The following KARS1 variants were observed in gnomAD, a reference collection of about 807,000 sequenced individuals.
KARS1 encodes lysine--tRNA ligase.
In KARS1, 50 loss-of-function variants were observed where a neutral mutation model predicts 63.9. The observed-to-expected ratio is 0.78, with a 90% confidence interval of 0.62 to 0.99. The LOEUF is 0.99. Among genes scored for constraint, KARS1 ranks in the 50% least tolerant of loss-of-function variants. The pLI is 0.00. For missense variants in KARS1, 816 were observed against 754.5 expected (o/e 1.08, Z -0.95); for synonymous variants, 320 against 264.6 (o/e 1.21, Z -2.03).
chr16:75,634,021 G>A, intron 7 of KARS1, 152 bp downstream of exon 7: 1 of 813,754 alleles, frequency 1.2e-6, no homozygotes, highest in South Asian at 1.3e-5. Context: ...AATTCTGGAA[G>A]TGTTACTCAC....
intron 7 of KARS1, among the ~76,000 whole-genome samples, chr16:75,633,618 A>T (rs1368650774): frequency 6.6e-6 from 1 of 151,690 alleles, no homozygotes; most frequent in Non-Finnish European, 1.5e-5. Flanking sequence ...CCCGGGTTCA[A>T]GCAATCCTCC....
chr16:75,635,442 T>C, intron 6 of KARS1: 1 of 507,988 alleles, frequency 2.0e-6, no homozygotes, highest in Admixed American at 3.2e-5. Flanking sequence ...TGAATACATA[T>C]TGAATGTGAC....
At position 75,638,751 on chromosome 16, in the gene KARS1, G is replaced by A. The variant is rs189954968; in HGVS notation, c.388+1433C>T. On this transcript the variant is annotated intron_variant, in intron 3 of 13. Coordinates refer to ENST00000302445, the MANE Select transcript of KARS1 (RefSeq NM_005548.3). The stretch of plus-strand genomic sequence containing the variant: ...TAAAATTTAAAAATCAAAGTATAAA[G>A]AAAGATAAAAAGGATTTGAGATAAA... 3.9e-3 allele frequency among the ~76,000 whole-genome samples: 588 copies of A among 151,480 alleles called. 4 individuals carry two copies. The highest frequency in any genetic ancestry group is 0.013 in the African/African-American group (550 of 41,230).
rs16941301 is a variant in KARS1 at position 75,631,596 on chromosome 16, G to A, written c.1079-7C>T. 0.022 allele frequency: 35,131 copies of A among 1,614,092 alleles called. 672 individuals carry two copies. Among genetic ancestry groups the A allele is most frequent in the African/African-American group, 0.069 (5,203 of 75,002 alleles). The stretch of plus-strand genomic sequence containing the variant: ...GTAATATGCTTCACCATCCCTGGGA[G>A]AGAAACCTGTTATTTAGCGGGAATG... On this transcript the variant is annotated splice_region_variant and splice_polypyrimidine_tract_variant and intron_variant, in intron 8 of 13. Transcript: ENST00000302445.
At chr16:75,632,903 C>G (rs1244812185) in intron 7 of KARS1, among the ~76,000 whole-genome samples, 1 of 152,178 alleles carries the variant, frequency 6.6e-6, no homozygotes, top group African/African-American at 2.4e-5. Flanking sequence ...CTGAAGGCAG[C>G]CAGTTCTTAC....
At chr16:75,640,089 T>G in intron 3 of KARS1, 95 bp downstream of exon 3, 6 of 1,033,530 alleles carry the variant, frequency 5.8e-6, no homozygotes, top group Non-Finnish European at 9.2e-6. Flanking sequence ...ACAGGCTACT[T>G]GAGAACAAGA....
chr16:75,629,332 CG>C, intron 12 of KARS1, 82 bp downstream of exon 12: 1 of 1,557,208 alleles, frequency 6.4e-7, no homozygotes, highest in South Asian at 1.1e-5. Context: ...TCACCAAGAA[CG>C]TATACGCTGA....
Position 75,641,666 on chromosome 16 carries a change from C to T in KARS1, c.120G>A (p.Gln40=), listed in dbSNP as rs376593895. ...TTAGCTGTTTCTCACTGAGCTCTTTCTGTTTGGCCTCCTTCTCTGCTACTT... is the reference window on the plus strand; with the variant it reads ...TTAGCTGTTTCTCACTGAGCTCTTTTTGTTTGGCCTCCTTCTCTGCTACTT... ...EKKVAEKEAK[Q]KELSEKQLSQ... Residue 40 remains glutamine (Q), a synonymous_variant, in exon 2 of 14, where the codon CAG becomes CAA. Coordinates refer to ENST00000302445, the MANE Select transcript of KARS1 (RefSeq NM_005548.3). 1 of 1,613,864 alleles carries T rather than the reference C, an allele frequency of 6.2e-7. No individual in the cohort carries two copies. Among genetic ancestry groups the T allele is most frequent in the Non-Finnish European group, 8.5e-7 (1 of 1,180,028 alleles).
intron 1 of KARS1, among the ~76,000 whole-genome samples, chr16:75,642,185 CTTTTTTTTTTTTTTTTTT>C (rs148991591): frequency 0.11 from 7,315 of 63,920 alleles, 332 homozygotes; most frequent in Middle Eastern, 0.34. Flanking sequence ...AGTGCCAGGT[CTTTTTTTTTTTTTTTTTT>C]TTTTTTTTTT....
intron 1 of KARS1, among the ~76,000 whole-genome samples, chr16:75,642,312 C>T (rs1192430607): frequency 6.8e-5 from 10 of 147,962 alleles, no homozygotes; most frequent in African/African-American, 1.5e-4. Flanking sequence ...AAGAGATTCT[C>T]GTGCCTCAGC....
intron 1 of KARS1, among the ~76,000 whole-genome samples, chr16:75,645,829 A>G (rs1282278981): frequency 6.8e-6 from 1 of 146,620 alleles, no homozygotes; most frequent in Non-Finnish European, 1.5e-5. Context: ...CCGGGGCAAC[A>G]ACGACTCTGC....
chr16:75,632,836 T>C (rs561592450), intron 7 of KARS1, among the ~76,000 whole-genome samples: 5 of 152,304 alleles, frequency 3.3e-5, no homozygotes, highest in African/African-American at 1.2e-4. Context: ...TTATAAGGAA[T>C]AGTCACAAAC....
chr16:75,634,119 G>A, intron 7 of KARS1, 54 bp downstream of exon 7: 2 of 1,587,708 alleles, frequency 1.3e-6, no homozygotes, highest in Non-Finnish European at 1.7e-6. Context: ...TCTAGCCAGT[G>A]GTATTCCAGC....
intron 12 of KARS1, 65 bp from the exon 13 acceptor site, chr16:75,628,777 T>C (rs1048524037): frequency 9.6e-6 from 15 of 1,563,688 alleles, no homozygotes; most frequent in East Asian, 2.2e-5. Context: ...TGAGTGAACA[T>C]GTTACCAGGC....
chr16:75,631,138 G>A, intron 10 of KARS1, 30 bp downstream of exon 10: 1 of 1,567,892 alleles, frequency 6.4e-7, no homozygotes, highest in Non-Finnish European at 8.8e-7. Context: ...ACCAGATGAG[G>A]ACATGTACAA....
In KARS1 at chr16:75,647,561, C is replaced by T; in HGVS notation, c.62+17G>A. 2 of 1,611,704 alleles carry T rather than the reference C, an allele frequency of 1.2e-6. No individual in the cohort carries two copies. Among genetic ancestry groups the T allele is most frequent in the Non-Finnish European group, 8.5e-7 (1 of 1,178,592 alleles). On this transcript the variant is annotated intron_variant, in intron 1 of 13. Coordinates refer to ENST00000302445, the MANE Select transcript of KARS1 (RefSeq NM_005548.3). The stretch of plus-strand genomic sequence containing the variant: ...TCTCCTACCGCAAAGGCTTTAAAGA[C>T]TCGCAGCGACACTCACTTCTTGCTC...
Position 75,631,158 on chromosome 16 carries a change from G to A in KARS1, c.1338+10C>T, listed in dbSNP as rs762426497. The A allele has an allele frequency of 6.2e-7, 1 of 1,609,216 alleles. No homozygotes were observed. Among genetic ancestry groups the A allele is most frequent in the Non-Finnish European group, 8.5e-7 (1 of 1,175,946 alleles). On this transcript the variant is annotated intron_variant, in intron 10 of 13. Coordinates refer to ENST00000302445, the MANE Select transcript of KARS1 (RefSeq NM_005548.3). ...ATGAGGACATGTACAAGAAGGCAGG[G>A]CCTTCTCACCTTGTCAAGGAGCCTG...
At chr16:75,631,118 A>G (rs779203788) in intron 10 of KARS1, 50 bp downstream of exon 10, 2 of 1,440,614 alleles carry the variant, frequency 1.4e-6, no homozygotes, top group East Asian at 4.6e-5. Context: ...GGAAGAGGGA[A>G]CCATTCAGCA....
chr16:75,630,377 C>T (rs1217188519), intron 11 of KARS1, 46 bp downstream of exon 11: 1 of 1,180,884 alleles, frequency 8.5e-7, no homozygotes, highest in Non-Finnish European at 1.3e-6. Flanking sequence ...GTTAACACCA[C>T]TAAGTTTTGG....
Sources: gnomAD v4.1 joint callset for allele counts (sites outside exome capture counted in the v4.1 genomes callset) on GRCh38, gnomAD v4.1.1 for gene constraint, MANE v1.5 for transcripts, NCBI Gene and HGNC (gene_info 2026-07-23, HGNC 2026-07-21) for gene names.